CGNL1: variants seen among roughly 807,000 people sequenced by gnomAD.
CGNL1 encodes cingulin like 1.
In CGNL1, 132 loss-of-function variants were observed where a neutral mutation model predicts 141.2. That is an observed-to-expected ratio of 0.93 (90% CI 0.81 to 1.08). CGNL1 has a LOEUF of 1.08. Ranked by LOEUF, CGNL1 falls within the 50% of genes least tolerant of loss-of-function variation. CGNL1 has a pLI of 0.00. For missense variants in CGNL1, 1,870 were observed against 1,588.6 expected (o/e 1.18, Z -3.01); for synonymous variants, 690 against 622.1 (o/e 1.11, Z -1.63).
intron 1 of CGNL1, among the ~76,000 whole-genome samples, chr15:57,406,799 T>C (rs1365902970): frequency 1.3e-5 from 2 of 152,252 alleles, no homozygotes; most frequent in Non-Finnish European, 2.9e-5. Context: ...CAATGATCAA[T>C]AGTGCTGGGC....
chr15:57,471,634 G>C (rs1001251194), intron 8 of CGNL1, among the ~76,000 whole-genome samples: 6 of 151,042 alleles, frequency 4.0e-5, no homozygotes, highest in African/African-American at 9.9e-5. Context: ...CTAGCCTTCT[G>C]GGGGGGCCTC....
At chr15:57,453,886 G>A in intron 7 of CGNL1, 68 bp downstream of exon 7, 1 of 1,583,280 alleles carries the variant, frequency 6.3e-7, no homozygotes, top group Admixed American at 1.7e-5. Flanking sequence ...AGTGGCTAGG[G>A]TTTGTGGACT....
intron 8 of CGNL1, among the ~76,000 whole-genome samples, chr15:57,491,118 G>A (rs1186898909): frequency 4.6e-5 from 7 of 152,088 alleles, no homozygotes; most frequent in Admixed American, 3.9e-4. Context: ...GCTGAATAAA[G>A]TATGGACTTT....
chr15:57,476,577 G>A (rs544562910), intron 8 of CGNL1, among the ~76,000 whole-genome samples: 1 of 152,282 alleles, frequency 6.6e-6, no homozygotes, highest in East Asian at 1.9e-4. Flanking sequence ...GTAGTAGGCG[G>A]CCTCTGAAGT....
chr15:57,402,078 G>A (rs1159541192), intron 1 of CGNL1: 2 of 152,242 alleles, frequency 1.3e-5, no homozygotes, highest in African/African-American at 4.8e-5. Flanking sequence ...TGGCTTGGAT[G>A]TTTTGTCCCC....
intron 1 of CGNL1, among the ~76,000 whole-genome samples, chr15:57,409,644 G>T (rs1595673420): frequency 6.6e-6 from 1 of 152,126 alleles, no homozygotes; most frequent in African/African-American, 2.4e-5. Flanking sequence ...GAGGGAGAAG[G>T]TAGGATGCTT....
chr15:57,392,783 A>C (rs938760899), intron 1 of CGNL1, among the ~76,000 whole-genome samples: 4 of 152,200 alleles, frequency 2.6e-5, no homozygotes, highest in African/African-American at 9.6e-5. Flanking sequence ...CTGTGGCTTG[A>C]ATGGAGTCTA....
chr15:57,416,197 G>A (rs78663906), intron 1 of CGNL1, among the ~76,000 whole-genome samples: 1 of 57,502 alleles, frequency 1.7e-5, no homozygotes, highest in African/African-American at 5.3e-5. Context: ...TTTGCTCAGT[G>A]TTTTTTTTTT....
intron 8 of CGNL1, among the ~76,000 whole-genome samples, chr15:57,503,226 G>T (rs1288706343): frequency 1.3e-5 from 2 of 152,214 alleles, no homozygotes; most frequent in African/African-American, 4.8e-5. Context: ...CTTGGCAGGG[G>T]CCTTCCTCCT....
chr15:57,390,629 G>T (rs1473039185), intron 1 of CGNL1, among the ~76,000 whole-genome samples: 1 of 152,190 alleles, frequency 6.6e-6, no homozygotes, highest in Non-Finnish European at 1.5e-5. Context: ...CCTTTTGGGA[G>T]CTTGCGAGAC....
intron 10 of CGNL1, among the ~76,000 whole-genome samples, chr15:57,521,629 G>A (rs1339720036): frequency 6.6e-6 from 1 of 152,204 alleles, no homozygotes; most frequent in African/African-American, 2.4e-5. Context: ...GGCAATGTGT[G>A]TGTGCTGGGG....
At chr15:57,457,852 C>T (rs891342895) in intron 7 of CGNL1, among the ~76,000 whole-genome samples, 4 of 152,212 alleles carry the variant, frequency 2.6e-5, no homozygotes, top group African/African-American at 9.6e-5. Context: ...TGGGTGGGGA[C>T]GCAGCCAAAC....
At chr15:57,498,987 AG>A (rs2063983038) in intron 8 of CGNL1, among the ~76,000 whole-genome samples, 1 of 152,158 alleles carries the variant, frequency 6.6e-6, no homozygotes, top group Non-Finnish European at 1.5e-5. Context: ...TAAGAGCGCA[AG>A]AAGGCCACTG....
intron 1 of CGNL1, among the ~76,000 whole-genome samples, chr15:57,437,722 AC>A (rs1287076964): frequency 2.0e-5 from 3 of 151,274 alleles, no homozygotes; most frequent in Non-Finnish European, 1.5e-5. Context: ...TCAGGTCATT[AC>A]ACGGGTTGTC....
At chr15:57,512,610 A>G (rs2030411586) in intron 8 of CGNL1, among the ~76,000 whole-genome samples, 1 of 152,244 alleles carries the variant, frequency 6.6e-6, no homozygotes, top group Non-Finnish European at 1.5e-5. Flanking sequence ...CCTGCCAGCC[A>G]TAAGCTGAGT....
intron 5 of CGNL1, 50 bp from the exon 6 acceptor site, chr15:57,452,091 T>G: frequency 6.6e-7 from 1 of 1,526,364 alleles, no homozygotes; most frequent in Non-Finnish European, 8.8e-7. Flanking sequence ...TCTGTGGGGT[T>G]ACGTTAATGT....
chr15:57,458,100 C>A (rs574082087), intron 7 of CGNL1, among the ~76,000 whole-genome samples: 1 of 152,164 alleles, frequency 6.6e-6, no homozygotes, highest in African/African-American at 2.4e-5. Context: ...GAGTATCCAT[C>A]TCTCTGGATT....
intron 1 of CGNL1, among the ~76,000 whole-genome samples, chr15:57,414,818 C>G (rs1420263954): frequency 1.3e-5 from 2 of 152,218 alleles, no homozygotes; most frequent in African/African-American, 4.8e-5. Flanking sequence ...TTTTGTTAGA[C>G]TTGATCCATG....
intron 1 of CGNL1, among the ~76,000 whole-genome samples, chr15:57,388,557 T>C (rs559624312): frequency 1.3e-5 from 2 of 152,236 alleles, no homozygotes; most frequent in Non-Finnish European, 2.9e-5. Context: ...TAGATATGTG[T>C]GCTCGCACGA....
Sources: gnomAD v4.1 joint callset for allele counts (sites outside exome capture counted in the v4.1 genomes callset) on GRCh38, gnomAD v4.1.1 for gene constraint, MANE v1.5 for transcripts, NCBI Gene and HGNC (gene_info 2026-07-23, HGNC 2026-07-21) for gene names.